Variants in RBFOX3 observed in about 807,000 individuals in gnomAD.
RBFOX3 encodes RNA binding protein fox-1 homolog 3.
In RBFOX3, 17 loss-of-function variants were observed where a neutral mutation model predicts 48.7. The observed-to-expected ratio is 0.35, with a 90% CI of 0.24 to 0.52. The LOEUF (loss-of-function observed/expected upper bound fraction) is 0.52. Among genes scored for constraint, RBFOX3 ranks in the 20% least tolerant of loss-of-function variants. The pLI is 0.94. For synonymous variants in RBFOX3, 212 were observed against 209.5 expected, an observed-to-expected ratio of 1.01 and a Z score of -0.10; for missense variants, 382 against 497.5, an observed-to-expected ratio of 0.77 and a Z score of 2.21.
chr17:79,537,669 T>C (rs1476907871), intron 1 of RBFOX3, among the ~76,000 whole-genome samples: 3 of 152,186 alleles, frequency 2.0e-5, no homozygotes, highest in African/African-American at 7.2e-5. Context: ...CTCCTGCCCA[T>C]GACAGACTTT....
intron 6 of RBFOX3, among the ~76,000 whole-genome samples, chr17:79,105,044 C>T (rs2077114774): frequency 6.6e-6 from 1 of 152,200 alleles, no homozygotes; most frequent in Admixed American, 6.5e-5. Flanking sequence ...AGACCATGAG[C>T]CTGTGAACAG....
chr17:79,463,490 ACTGCCACTGCCATCG>A (rs2075799550), intron 2 of RBFOX3, among the ~76,000 whole-genome samples: 11 of 73,416 alleles, frequency 1.5e-4, no homozygotes, highest in Admixed American at 1.6e-4. Context: ...TGCCATCGCC[ACTGCCACTGCCATCG>A]CCACTGCCAC....
chr17:79,664,515 T>G, the RBFOX3 span, among the ~76,000 whole-genome samples: 1 of 152,004 alleles, frequency 6.6e-6, no homozygotes. Flanking sequence ...CCTGGCTAAT[T>G]TTTTGTATTT....
At chr17:79,183,781 C>A (rs1269658323) in intron 4 of RBFOX3, among the ~76,000 whole-genome samples, 1 of 152,208 alleles carries the variant, frequency 6.6e-6, no homozygotes, top group Non-Finnish European at 1.5e-5. Flanking sequence ...TCAAACGGAG[C>A]CCCGCGCGGA....
chr17:79,336,997 G>A (rs985711347), intron 2 of RBFOX3, among the ~76,000 whole-genome samples: 1 of 152,192 alleles, frequency 6.6e-6, no homozygotes, highest in Non-Finnish European at 1.5e-5. Flanking sequence ...GTGCACGCCT[G>A]TAATCCCAGC....
intron 2 of RBFOX3, among the ~76,000 whole-genome samples, chr17:79,454,807 G>C (rs1186644690): frequency 6.6e-6 from 1 of 152,198 alleles, no homozygotes; most frequent in Non-Finnish European, 1.5e-5. Context: ...AAGATGACAT[G>C]AGCTGAGCCA....
chr17:79,270,693 G>C (rs774668217), intron 3 of RBFOX3, among the ~76,000 whole-genome samples: 2 of 152,266 alleles, frequency 1.3e-5, no homozygotes, highest in Non-Finnish European at 1.5e-5. Context: ...GAGTAAGGAG[G>C]GGAAAGAGGC....
chr17:79,097,890 A>C (rs935206572), intron 9 of RBFOX3, 145 bp from the exon 10 acceptor site: 3 of 766,490 alleles, frequency 3.9e-6, no homozygotes, highest in South Asian at 1.6e-5. Flanking sequence ...CCTTTCCCAC[A>C]CTGCCCGGAC....
intron 4 of RBFOX3, among the ~76,000 whole-genome samples, chr17:79,170,167 G>C (rs1006039477): frequency 6.6e-6 from 1 of 151,232 alleles, no homozygotes; most frequent in African/African-American, 2.4e-5. Context: ...GGAGGAAGGA[G>C]GAAGGAAGGG....
intron 2 of RBFOX3, among the ~76,000 whole-genome samples, chr17:79,393,971 G>A (rs771365239): frequency 2.0e-5 from 3 of 151,380 alleles, no homozygotes; most frequent in South Asian, 2.1e-4. Context: ...CACGCACATC[G>A]TCTGAGCCAG....
At chr17:79,293,689 G>C (rs563476649) in intron 3 of RBFOX3, among the ~76,000 whole-genome samples, 1 of 152,108 alleles carries the variant, frequency 6.6e-6, no homozygotes, top group Non-Finnish European at 1.5e-5. Flanking sequence ...CTGGCCTCAG[G>C]TGATCTGCCT....
At chr17:79,237,651 G>A (rs992194160) in intron 3 of RBFOX3, among the ~76,000 whole-genome samples, 8 of 152,222 alleles carry the variant, frequency 5.3e-5, no homozygotes, top group Non-Finnish European at 1.2e-4. Flanking sequence ...CTTCATAGGC[G>A]GGCCCCTCCC....
At chr17:79,642,676 T>C in the RBFOX3 span, among the ~76,000 whole-genome samples, 2 of 151,946 alleles carry the variant, frequency 1.3e-5, no homozygotes, top group South Asian at 2.1e-4. Flanking sequence ...AGCTAATATA[T>C]AAATTAAAAT....
At position 79,155,573 on chromosome 17, in the gene RBFOX3, G is replaced by A. The variant is rs529987732; in HGVS notation, c.-33-39825C>T. On this transcript the variant is annotated intron_variant, in intron 4 of 14. Coordinates refer to ENST00000693108, the MANE Select transcript of RBFOX3 (RefSeq NM_001350451.2). ...CTGTACGGCAGAGGTGGTGCAGCCCGGAGGGCCACAGCTGGGGGCAGGGGG... is the reference window on the plus strand; with the variant it reads ...CTGTACGGCAGAGGTGGTGCAGCCCAGAGGGCCACAGCTGGGGGCAGGGGG... 4.3e-4 allele frequency among the ~76,000 whole-genome samples: 66 copies of A among 152,328 alleles called. 2 individuals carry two copies. The South Asian group carries it at 0.013, about 30-fold the overall frequency.
chr17:79,513,189 C>CGGGT (rs2084734609), intron 1 of RBFOX3, among the ~76,000 whole-genome samples: 12 of 151,552 alleles, frequency 7.9e-5, no homozygotes, highest in African/African-American at 2.9e-4. Flanking sequence ...ATGTTACCAT[C>CGGGT]AGGTACAGCC....
chr17:79,585,365 G>C (rs2093215282), intron 1 of RBFOX3, among the ~76,000 whole-genome samples: 1 of 151,894 alleles, frequency 6.6e-6, no homozygotes, highest in East Asian at 2.0e-4. Flanking sequence ...AGACCAGCCT[G>C]GCCAACATGG....
At chr17:79,623,892 G>A in the RBFOX3 span, among the ~76,000 whole-genome samples, 1 of 151,920 alleles carries the variant, frequency 6.6e-6, no homozygotes, top group East Asian at 1.9e-4. Context: ...TGATGGAGGT[G>A]GGTCGGAGAG....
Position 79,359,005 on chromosome 17 carries a change from C to T in RBFOX3, c.-174-51181G>A, listed in dbSNP as rs530129546. On this transcript the variant is annotated intron_variant, in intron 2 of 14. Transcript: ENST00000693108. The stretch of plus-strand genomic sequence containing the variant: ...CAGGGAAGCTGCCCCCTGCCCCACA[C>T]CCAGCCCAGGGAGGCACAGAGCACT... 2.6e-5 allele frequency among the ~76,000 whole-genome samples: 4 copies of T among 152,380 alleles called. 1 individual carries two copies. Among genetic ancestry groups the T allele is most frequent in the African/African-American group, 9.6e-5 (4 of 41,596 alleles).
At chr17:79,177,635 T>G (rs952030768) in intron 4 of RBFOX3, among the ~76,000 whole-genome samples, 1 of 152,252 alleles carries the variant, frequency 6.6e-6, no homozygotes, top group African/African-American at 2.4e-5. Context: ...GTGGGACAGG[T>G]CGGGATGGGC....
Sources: allele counts gnomAD v4.1 joint callset (sites outside exome capture counted in the v4.1 genomes callset), GRCh38; gene constraint gnomAD v4.1.1; transcripts MANE v1.5; gene names NCBI Gene and HGNC (gene_info 2026-07-23, HGNC 2026-07-21).